The following WDR59 variants were observed in gnomAD, a reference collection of about 807,000 sequenced individuals.
The protein encoded by WDR59 is WD repeat domain 59.
Under a neutral mutation model 131.2 loss-of-function variants are expected in WDR59, and 100 were observed. That is an observed-to-expected ratio of 0.76 (90% confidence interval 0.65 to 0.90). WDR59 has a LOEUF of 0.90. Among genes scored for constraint, WDR59 ranks in the 40% least tolerant of loss-of-function variants. The probability of loss-of-function intolerance (pLI) is 0.00; values close to 1 mark genes in which losing one functional copy is unlikely to be tolerated. For missense variants in WDR59, 1,203 were observed against 1,262.2 expected (o/e 0.95, Z 0.71); for synonymous variants, 601 against 466.2 (o/e 1.29, Z -3.72).
In WDR59 at chr16:74,948,551, G is replaced by C. The variant is rs1246328447; in HGVS notation, c.413C>G (p.Thr138Arg). 2 of 1,613,238 alleles carry C rather than the reference G, an allele frequency of 1.2e-6. No individual in the cohort carries two copies. Among genetic ancestry groups the C allele is most frequent in the African/African-American group, 1.3e-5 (1 of 75,008 alleles). ...TYIYIWDIKDTRKPTVALSAV... is the reference protein window; with the variant it reads ...TYIYIWDIKDRRKPTVALSAV... ...AGACAGTGCAACAGTAGGTTTCCTTGTGTCTCTGAAATATAAAAATAAAAA... is the reference window on the plus strand; with the variant it reads ...AGACAGTGCAACAGTAGGTTTCCTTCTGTCTCTGAAATATAAAAATAAAAA... The change falls in exon 6 of 26, where the codon ACA becomes AGA. Residue 138 changes from threonine to arginine, a missense_variant. By Grantham distance (71) the Thr-to-Arg change is moderately conservative (BLOSUM62 -1). Transcript: ENST00000262144.
At chr16:74,910,727 T>C (rs1229939778) in intron 14 of WDR59, among the ~76,000 whole-genome samples, 1 of 152,250 alleles carries the variant, frequency 6.6e-6, no homozygotes, top group Admixed American at 6.5e-5. Flanking sequence ...AACACTAAGC[T>C]TGTGGGAGTT....
chr16:74,955,649 CT>C (rs2033252026), intron 3 of WDR59, among the ~76,000 whole-genome samples: 1 of 152,132 alleles, frequency 6.6e-6, no homozygotes, highest in Non-Finnish European at 1.5e-5. Context: ...CCTTCTCAAG[CT>C]GACAAAGTTG....
At chr16:74,887,778 C>T in intron 22 of WDR59, 23 bp from the exon 23 acceptor site, 2 of 1,605,130 alleles carry the variant, frequency 1.2e-6, no homozygotes, top group South Asian at 2.2e-5. Flanking sequence ...AGAGAAGAAC[C>T]AACAGGACTA....
At position 74,922,052 on chromosome 16, in the gene WDR59, T is replaced by C. The variant is rs2030290637; in HGVS notation, c.781A>G (p.Asn261Asp). ...AAGACATTCCACAGGAGAAGGCTGT[T>C]TTCCCTCCGCAGCTGGGGAACCATC... ...TVMVPQLRRE[N>D]SLLLWNVFDL... is the part of the protein sequence containing the mutation. Residue 261 changes from asparagine (N) to aspartate (D), a missense_variant, in exon 10 of 26, where the codon AAC becomes GAC. Asn to Asp is a conservative substitution (Grantham distance 23). Coordinates refer to ENST00000262144, the MANE Select transcript of WDR59 (RefSeq NM_030581.4). 6.2e-7 allele frequency: 1 copy of C among 1,614,056 alleles called. No homozygotes were observed. Among genetic ancestry groups the C allele is most frequent in the African/African-American group, 1.3e-5 (1 of 74,922 alleles).
intron 8 of WDR59, among the ~76,000 whole-genome samples, chr16:74,932,994 T>C (rs1326722478): frequency 6.6e-6 from 1 of 152,188 alleles, no homozygotes; most frequent in Non-Finnish European, 1.5e-5. Context: ...ATATTACATG[T>C]TGACAAAGCT....
At chr16:74,967,175 C>G (rs768188368) in intron 1 of WDR59, among the ~76,000 whole-genome samples, 12 of 152,264 alleles carry the variant, frequency 7.9e-5, no homozygotes, top group South Asian at 4.2e-4. Context: ...AGAAACATCA[C>G]AAGTAACATT....
intron 5 of WDR59, among the ~76,000 whole-genome samples, chr16:74,948,868 G>A (rs942641394): frequency 1.3e-5 from 2 of 152,124 alleles, no homozygotes; most frequent in African/African-American, 4.8e-5. Flanking sequence ...ACGTGTGGCA[G>A]GCACCTAAAA....
intron 18 of WDR59, among the ~76,000 whole-genome samples, chr16:74,897,785 G>A (rs1197335320): frequency 6.6e-6 from 1 of 152,172 alleles, no homozygotes; most frequent in Non-Finnish European, 1.5e-5. Flanking sequence ...AAATCTCTAA[G>A]GGGCTGCAAA....
intron 2 of WDR59, among the ~76,000 whole-genome samples, chr16:74,964,569 C>CT (rs1003854646): frequency 7.2e-5 from 11 of 151,984 alleles, no homozygotes; most frequent in African/African-American, 2.4e-4. Flanking sequence ...ATGTTGTATA[C>CT]TTTTTTAAAA....
intron 20 of WDR59, among the ~76,000 whole-genome samples, 183 bp from the exon 21 acceptor site, chr16:74,889,998 C>A (rs978243276): frequency 1.3e-5 from 2 of 152,174 alleles, no homozygotes; most frequent in African/African-American, 4.8e-5. Flanking sequence ...TCAGCGTTTA[C>A]ACTTTAACCA....
chr16:74,893,193 C>A (rs1228422648), intron 19 of WDR59, among the ~76,000 whole-genome samples: 4 of 152,298 alleles, frequency 2.6e-5, no homozygotes, highest in African/African-American at 9.6e-5. Flanking sequence ...TGTTATTAAG[C>A]AATTGACTTT....
chr16:74,938,712 T>C (rs1158166680), intron 7 of WDR59, among the ~76,000 whole-genome samples: 1 of 151,898 alleles, frequency 6.6e-6, no homozygotes, highest in Admixed American at 6.6e-5. Context: ...AATTTTTTTG[T>C]ATTTTTTCTA....
At chr16:74,885,567 A>T (rs1964713504) in intron 25 of WDR59, 86 bp downstream of exon 25, 2 of 1,453,748 alleles carry the variant, frequency 1.4e-6, no homozygotes, top group South Asian at 3.1e-5. Flanking sequence ...AGAAGCTGAA[A>T]CTTCATTCCA....
At chr16:74,880,690 A>G (rs1485722724) in intron 25 of WDR59, among the ~76,000 whole-genome samples, 1 of 152,176 alleles carries the variant, frequency 6.6e-6, no homozygotes, top group Non-Finnish European at 1.5e-5. Flanking sequence ...TGCAGGTGAA[A>G]CTTGATAGAG....
At chr16:74,932,175 C>T (rs11864485) in intron 8 of WDR59, among the ~76,000 whole-genome samples, 49,187 of 151,200 alleles carry the variant, frequency 0.33, 9,145 homozygotes, top group African/African-American at 0.51. Flanking sequence ...CTCATTGCAG[C>T]CTCAAACTCC....
chr16:74,939,793 G>C (rs1035962716), intron 7 of WDR59, among the ~76,000 whole-genome samples: 1 of 152,098 alleles, frequency 6.6e-6, no homozygotes, highest in Admixed American at 6.6e-5. Flanking sequence ...GTCAAGACCA[G>C]CCTGGGCAAC....
intron 1 of WDR59, among the ~76,000 whole-genome samples, chr16:74,983,170 C>G (rs2034493103): frequency 6.6e-6 from 1 of 152,114 alleles, no homozygotes; most frequent in South Asian, 2.1e-4. Context: ...CAAAGAGACT[C>G]TGTCTCTACA....
At chr16:74,979,390 C>T (rs929384497) in intron 1 of WDR59, among the ~76,000 whole-genome samples, 1 of 151,612 alleles carries the variant, frequency 6.6e-6, no homozygotes, top group East Asian at 2.0e-4. Flanking sequence ...GGCATGAACC[C>T]GGGAGGCGGA....
intron 14 of WDR59, among the ~76,000 whole-genome samples, chr16:74,910,509 C>G (rs1031310363): frequency 7.9e-5 from 12 of 152,306 alleles, no homozygotes; most frequent in African/African-American, 2.9e-4. Context: ...CTAGTGAACT[C>G]TGCCCTTTTC....
Sources: allele counts gnomAD v4.1 joint callset (sites outside exome capture counted in the v4.1 genomes callset), GRCh38; gene constraint gnomAD v4.1.1; transcripts MANE v1.5; gene names NCBI Gene and HGNC (gene_info 2026-07-23, HGNC 2026-07-21).